SYTL2: variants seen among roughly 807,000 people sequenced by gnomAD.
SYTL2 encodes synaptotagmin-like protein 2.
In SYTL2, 165 loss-of-function variants were observed where a neutral mutation model predicts 198.7. The ratio of observed to expected loss-of-function variants is 0.83; its 90% CI spans 0.73 to 0.94. SYTL2 has a LOEUF of 0.94. Among genes scored for constraint, SYTL2 ranks in the 40% least tolerant of loss-of-function variants. SYTL2 has a pLI of 0.00. For synonymous variants in SYTL2, 966 were observed against 917.7 expected (o/e 1.05, Z -0.95); for missense variants, 2,835 against 2,582.8 (o/e 1.10, Z -2.12).
the SYTL2 span, among the ~76,000 whole-genome samples, chr11:85,846,993 C>G: frequency 6.6e-6 from 1 of 152,150 alleles, no homozygotes; most frequent in Non-Finnish European, 1.5e-5. Context: ...CTCGGCCTCC[C>G]GAAGCGCTGA....
At chr11:85,840,551 T>C in the SYTL2 span, among the ~76,000 whole-genome samples, 2 of 152,030 alleles carry the variant, frequency 1.3e-5, no homozygotes, top group African/African-American at 4.8e-5. Flanking sequence ...TGGAACAGAA[T>C]AGAGAGCTCA....
At position 85,748,427 on chromosome 11, in the gene SYTL2, C is replaced by A. The variant is rs760485121; in HGVS notation, c.102-4G>T. Reference sequence around the variant, plus strand: ...CTTAATTTTTTCAGGCAAATGTCTACAAAAGGAAAAGATCTTTAGTTTGCT... The same window carrying A: ...CTTAATTTTTTCAGGCAAATGTCTAAAAAAGGAAAAGATCTTTAGTTTGCT... On this transcript the variant is annotated splice_polypyrimidine_tract_variant and splice_region_variant and intron_variant, in intron 2 of 19. Coordinates refer to ENST00000359152, the MANE Select transcript of SYTL2 (RefSeq NM_206927.4). The A allele has an allele frequency of 8.1e-6, 13 of 1,613,378 alleles. No individual in the cohort carries two copies. The highest frequency in any genetic ancestry group is 1.1e-5 in the Non-Finnish European group (13 of 1,179,734).
Position 85,781,872 on chromosome 11 carries a change from C to G in SYTL2, c.-389-23758G>C, listed in dbSNP as rs1004928935. Reference sequence around the variant, plus strand: ...CCTGTGGCTTTGTAGGATACAGCACCCCCTCCCAACTGCTTTCACAGGCTG... The same window carrying G: ...CCTGTGGCTTTGTAGGATACAGCACGCCCTCCCAACTGCTTTCACAGGCTG... On this transcript the variant is annotated intron_variant, in intron 1 of 19. Transcript: ENST00000359152. 1.3e-5 allele frequency among the ~76,000 whole-genome samples: 2 copies of G among 152,208 alleles called. 1 individual carries two copies. Among genetic ancestry groups the G allele is most frequent in the African/African-American group, 4.8e-5 (2 of 41,438 alleles).
chr11:85,782,157 T>C (rs2092570803), intron 1 of SYTL2, among the ~76,000 whole-genome samples: 1 of 152,254 alleles, frequency 6.6e-6, no homozygotes, highest in South Asian at 2.1e-4. Flanking sequence ...TAGGTGGACG[T>C]TCCCAAACGT....
chr11:85,754,305 AGCAGT>A (rs1300816431), intron 2 of SYTL2, among the ~76,000 whole-genome samples: 1 of 152,194 alleles, frequency 6.6e-6, no homozygotes, highest in Non-Finnish European at 1.5e-5. Flanking sequence ...CATTGTCCAG[AGCAGT>A]TCCTTGTACT....
At chr11:85,822,797 C>G in the SYTL2 span, among the ~76,000 whole-genome samples, 169 of 152,296 alleles carry the variant, frequency 1.1e-3, no homozygotes, top group African/African-American at 3.9e-3. Context: ...GCAGAGAGGA[C>G]GGACAAGCTG....
the SYTL2 span, among the ~76,000 whole-genome samples, chr11:85,838,335 A>T: frequency 1.3e-5 from 2 of 152,182 alleles, no homozygotes; most frequent in South Asian, 4.1e-4. Flanking sequence ...GCGTTACACA[A>T]AGGTATTTTC....
At position 85,712,273 on chromosome 11, in the gene SYTL2, T is replaced by C. The variant is rs138446254; in HGVS notation, c.5626-1041A>G. Among the ~76,000 whole-genome samples the C allele has an allele frequency of 1.9e-3, 291 of 152,228 alleles. 2 individuals are homozygous for C. Among genetic ancestry groups the C allele is most frequent in the African/African-American group, 6.7e-3 (278 of 41,564 alleles). On this transcript the variant is annotated intron_variant, in intron 12 of 19. Coordinates refer to ENST00000359152, the MANE Select transcript of SYTL2 (RefSeq NM_206927.4). ...CTCAAGGATTAAAAAAATTCATATC[T>C]TTTAAATGTCTCTGTTGTCACACTC... is the stretch of plus-strand genomic sequence containing the variant.
chr11:85,720,385 A>G (rs977223443), intron 9 of SYTL2, among the ~76,000 whole-genome samples: 2 of 152,218 alleles, frequency 1.3e-5, no homozygotes, highest in African/African-American at 4.8e-5. Flanking sequence ...AATACTAAAA[A>G]GGTCATTTCA....
intron 14 of SYTL2, among the ~76,000 whole-genome samples, chr11:85,707,767 C>T (rs940842134): frequency 6.6e-6 from 1 of 151,710 alleles, no homozygotes; most frequent in African/African-American, 2.4e-5. Context: ...TCCTGCATTC[C>T]TTTTTTCCTT....
intron 1 of SYTL2, among the ~76,000 whole-genome samples, chr11:85,776,482 G>A (rs1190967122): frequency 2.0e-5 from 3 of 152,250 alleles, no homozygotes; most frequent in East Asian, 3.9e-4. Flanking sequence ...TCTCATTTAT[G>A]AGTGAGAACG....
rs1233187211 is a variant in SYTL2 at position 85,709,475 on chromosome 11, T to A, written c.5771A>T (p.Tyr1924Phe). ...SSVSGSVMSV[Y>F]SGDFGNLEVK... ...TTCCAGATTGCCAAAGTCTCCACTATAAACACTCATCACACTGCCACTCAC... is the reference window on the plus strand; with the variant it reads ...TTCCAGATTGCCAAAGTCTCCACTAAAAACACTCATCACACTGCCACTCAC... Residue 1924 changes from tyrosine to phenylalanine, a missense_variant, in exon 14 of 20, where the codon TAT becomes TTT. This residue lies in a region of SYTL2 where 2,645 missense variants were observed against 2,381.7 expected (regional missense o/e 1.11). Transcript: ENST00000359152. 1 of 1,613,978 alleles carries A rather than the reference T, an allele frequency of 6.2e-7. No homozygotes were observed. Among genetic ancestry groups the A allele is most frequent in the East Asian group, 2.2e-5 (1 of 44,874 alleles).
At chr11:85,723,925 A>C (rs2088723319) in intron 8 of SYTL2, 107 bp downstream of exon 8, 1 of 525,468 alleles carries the variant, frequency 1.9e-6, no homozygotes, top group Non-Finnish European at 3.2e-6. Context: ...AGAAGAATTT[A>C]ACATCATTTA....
chr11:85,726,635 T>C lies in SYTL2; in HGVS notation c.2723A>G (p.Asn908Ser). The change falls in exon 8 of 20, where the codon AAT becomes AGT. Residue 908 changes from asparagine (N) to serine (S), a missense_variant. Asn to Ser is a conservative substitution (Grantham distance 46, BLOSUM62 1). Around this residue, in one of 3 missense-constraint regions of SYTL2, gnomAD observed 2,645 missense variants for 2,381.7 expected, o/e 1.11. Transcript: ENST00000359152. Reference protein sequence around the residue: ...DKVSLFQNKKNEPIKRSQVAD... With the variant: ...DKVSLFQNKKSEPIKRSQVAD... ...CACTTGTGATCTTTTTATAGGCTCATTTTTCTTATTCTGAAACAGAGACAC... is the reference window on the plus strand; with the variant it reads ...CACTTGTGATCTTTTTATAGGCTCACTTTTCTTATTCTGAAACAGAGACAC... 1.3e-6 allele frequency: 2 copies of C among 1,538,502 alleles called. No individual in the cohort carries two copies. The highest frequency in any genetic ancestry group is 8.7e-7 in the Non-Finnish European group (1 of 1,147,824).
chr11:85,849,431 G>A, the SYTL2 span, among the ~76,000 whole-genome samples: 2 of 152,206 alleles, frequency 1.3e-5, no homozygotes, highest in Admixed American at 6.5e-5. Context: ...TAGGTCTAAC[G>A]TTTAAGTCTT....
At chr11:85,800,179 T>C (rs947514639) in intron 1 of SYTL2, among the ~76,000 whole-genome samples, 6 of 152,124 alleles carry the variant, frequency 3.9e-5, no homozygotes, top group African/African-American at 1.4e-4. Context: ...CCAGAATCTA[T>C]CAAAGGACTA....
Position 85,726,993 on chromosome 11 carries a change from AT to A in SYTL2, c.2364del (p.Lys788AsnfsTer5), listed in dbSNP as rs1238230129. The A allele has an allele frequency of 6.5e-7, 1 of 1,536,414 alleles. No homozygotes were observed. The highest frequency in any genetic ancestry group is 1.2e-5 in the South Asian group (1 of 84,038). ...EVPKNQVQREKYKRVSDRISF... is the reference protein window; with the variant it reads ...EVPKNQVQREXYKRVSDRISF... ...GATATTCTGTCACTCACTCTTTTGT[AT>A]TTCTCTCTCTGCACTTGGTTCTTGG... is the stretch of plus-strand genomic sequence containing the variant. On this transcript the variant is annotated frameshift_variant, in exon 8 of 20. Transcript: ENST00000359152. LOFTEE classifies it high-confidence loss of function.
chr11:85,841,150 T>C, the SYTL2 span, among the ~76,000 whole-genome samples: 1 of 152,120 alleles, frequency 6.6e-6, no homozygotes, highest in African/African-American at 2.4e-5. Context: ...TCAGAATGGC[T>C]GTTACTAAAA....
chr11:85,737,468 A>G (rs933009900), intron 5 of SYTL2, 107 bp downstream of exon 5: 1 of 849,472 alleles, frequency 1.2e-6, no homozygotes, highest in Non-Finnish European at 1.9e-6. Context: ...ATTTGGTACC[A>G]AAAAACTGTA....
Sources: allele counts gnomAD v4.1 joint callset (sites outside exome capture counted in the v4.1 genomes callset), GRCh38; gene constraint gnomAD v4.1.1; regional missense constraint gnomAD v4.1.1; transcripts MANE v1.5; gene names NCBI Gene and HGNC (gene_info 2026-07-23, HGNC 2026-07-21).